ALLC: variants seen among roughly 807,000 people sequenced by gnomAD.
The protein encoded by ALLC is probable inactive allantoicase.
Under a neutral mutation model 45.0 loss-of-function variants are expected in ALLC, and 40 were observed. The ratio of observed to expected loss-of-function variants is 0.89; its 90% confidence interval spans 0.69 to 1.16. The LOEUF (loss-of-function observed/expected upper bound fraction) is 1.16, where lower values mean the gene tolerates loss of function less well. Ranked by LOEUF, ALLC falls within the 50% of genes most tolerant of loss-of-function variation. The pLI, the probability that ALLC is intolerant of heterozygous loss-of-function variation, is 0.00. For missense variants in ALLC, 488 were observed against 493.1 expected (o/e 0.99, Z 0.10); for synonymous variants, 176 against 178.1 (o/e 0.99, Z 0.09).
At chr2:3,654,090 C>G (rs114952939), upstream of ALLC, among the ~76,000 whole-genome samples, 1,132 of 152,340 alleles carry the variant, frequency 7.4e-3, 9 homozygotes, top group East Asian at 0.027. Context: ...AGAGGATCAG[C>G]TGCCAAGGTG....
intron 1 of ALLC, among the ~76,000 whole-genome samples, chr2:3,663,200 TA>T (rs1226356216): frequency 6.6e-6 from 1 of 152,088 alleles, no homozygotes; most frequent in African/African-American, 2.4e-5. Flanking sequence ...ATAGACTGGA[TA>T]AAGAAAACAT....
rs1287372386 is a variant in ALLC, at chr2:3,672,631, C to T, written c.33+1441C>T. Among the ~76,000 whole-genome samples the T allele has an allele frequency of 4.4e-5, 6 of 135,418 alleles. No homozygotes were observed. In the South Asian group the frequency reaches 9.5e-4, roughly 21 times the overall value. 88.8% of individuals were successfully genotyped at this position (135,418 alleles called of 152,430 possible). A position where few individuals can be genotyped will look rare whatever the true frequency, so the allele number is the denominator to read the frequency against. ...TCTGGTTAGATAGGAGGTCCTCTGG[C>T]TCTGGTTAGATGGGAGGTCCTCTGG... On this transcript the variant is annotated intron_variant, in intron 2 of 11. Coordinates refer to ENST00000252505, the MANE Select transcript of ALLC (RefSeq NM_018436.4).
intron 6 of ALLC, 29 bp from the exon 7 acceptor site, chr2:3,682,913 A>G (rs1436489860): frequency 1.2e-6 from 2 of 1,610,648 alleles, no homozygotes; most frequent in Admixed American, 1.7e-5. Flanking sequence ...TTCAAGAGCA[A>G]TTGCTGACAT....
chr2:3,682,808 A>C, intron 6 of ALLC, 134 bp from the exon 7 acceptor site: 1 of 904,896 alleles, frequency 1.1e-6, no homozygotes, highest in Non-Finnish European at 1.7e-6. Context: ...TACAGGCGTG[A>C]GCCACCGTGC....
At chr2:3,651,394 T>C in the ALLC span, among the ~76,000 whole-genome samples, 4 of 21,352 alleles carry the variant, frequency 1.9e-4, 1 homozygote, top group African/African-American at 8.1e-4. Context: ...TGTGTGTGTG[T>C]GTGTGTGTGT....
intron 3 of ALLC, 23 bp from the exon 4 acceptor site, chr2:3,678,445 C>G (rs904255258): frequency 1.3e-6 from 2 of 1,594,816 alleles, no homozygotes. Flanking sequence ...TTAATGATCA[C>G]CTTGTTGTGG....
chr2:3,671,708 T>C (rs1291601132), intron 2 of ALLC, among the ~76,000 whole-genome samples: 2 of 125,586 alleles, frequency 1.6e-5, no homozygotes. Context: ...TAGTTAGACC[T>C]GTGGTCCTCT....
chr2:3,700,310 G>A (rs1667790899), intron 10 of ALLC, among the ~76,000 whole-genome samples: 1 of 152,026 alleles, frequency 6.6e-6, no homozygotes, highest in Admixed American at 6.5e-5. Flanking sequence ...TGGTTATGTG[G>A]CCATGGTTTT....
At chr2:3,659,471 T>TG (rs1232055670) in intron 1 of ALLC, among the ~76,000 whole-genome samples, 3 of 152,204 alleles carry the variant, frequency 2.0e-5, no homozygotes, top group Non-Finnish European at 4.4e-5. Flanking sequence ...ACCCTGGGTC[T>TG]GGTCTCAGCC....
chr2:3,651,671 A>G, the ALLC span, among the ~76,000 whole-genome samples: 3 of 151,844 alleles, frequency 2.0e-5, no homozygotes, highest in African/African-American at 7.3e-5. Flanking sequence ...GATGGCAAAG[A>G]CGAACTCTGG....
At chr2:3,697,541 CTGGACTTT>C in intron 10 of ALLC, 85 bp downstream of exon 10, 1 of 1,114,822 alleles carries the variant, frequency 9.0e-7, no homozygotes, top group Non-Finnish European at 1.3e-6. Context: ...ACTGAGGACA[CTGGACTTT>C]CGGTGTGGAT....
Position 3,681,708 on chromosome 2 carries a change from G to T in ALLC, c.373G>T (p.Ala125Ser), listed in dbSNP as rs749009526. The T allele has an allele frequency of 4.2e-5, 68 of 1,607,954 alleles. 1 individual carries two copies. In the Middle Eastern group the frequency reaches 2.8e-3, roughly 66 times the overall value. The change falls in exon 6 of 12, where the codon GCT becomes TCT. Residue 125 changes from alanine (A) to serine (S), a missense_variant. Transcript: ENST00000252505. ...AATPEEFEAI[A>S]ELKSDDWSYL... is the part of the protein sequence containing the mutation. ...CACTCCTGAGGAGTTTGAAGCCATT[G>T]CTGAGGTACATCTCCCCCAAATGAA...
intron 7 of ALLC, among the ~76,000 whole-genome samples, chr2:3,683,276 A>G (rs942811124): frequency 6.6e-6 from 1 of 152,244 alleles, no homozygotes; most frequent in African/African-American, 2.4e-5. Context: ...AAAATTATCA[A>G]GTAAATTAGG....
upstream of ALLC, among the ~76,000 whole-genome samples, chr2:3,657,616 T>A (rs988025742): frequency 6.6e-6 from 1 of 152,176 alleles, no homozygotes; most frequent in South Asian, 2.1e-4. Context: ...GAAGCCGGGC[T>A]CAGCTGTTTC....
At position 3,695,743 on chromosome 2, in the gene ALLC, T is replaced by C. The variant is rs778833376; in HGVS notation, c.538T>C (p.Phe180Leu). The C allele has an allele frequency of 3.2e-5, 52 of 1,613,904 alleles. No homozygotes were observed. The highest frequency in any genetic ancestry group is 4.1e-5 in the Non-Finnish European group (48 of 1,179,894). ...TGGTGGAATTGCACGACTTAGAGTA[T>C]TCGGTACTGGACAAAAAGACTGGAC... ...PDGGIARLRV[F>L]GTGQKDWTAT... is the part of the protein sequence containing the mutation. Residue 180 changes from phenylalanine (F) to leucine (L), a missense_variant, in exon 8 of 12, where the codon TTC (phenylalanine) becomes CTC (leucine). Physicochemically the swap from Phe to Leu is conservative, Grantham distance 22 (BLOSUM62 0). Coordinates refer to ENST00000252505, the MANE Select transcript of ALLC (RefSeq NM_018436.4).
At chr2:3,687,399 C>CT (rs1248795156) in intron 7 of ALLC, among the ~76,000 whole-genome samples, 1 of 150,554 alleles carries the variant, frequency 6.6e-6, no homozygotes, top group Non-Finnish European at 1.5e-5. Context: ...CTGTAGTTTT[C>CT]TTTTTTTGTT....
At chr2:3,658,393 C>T (rs1013836902) in intron 1 of ALLC, 99 bp downstream of exon 1, 2 of 152,168 alleles carry the variant, frequency 1.3e-5, no homozygotes, top group African/African-American at 4.8e-5. Context: ...TGCAACGAAC[C>T]CTCGACACTT....
the ALLC span, among the ~76,000 whole-genome samples, chr2:3,648,817 A>G: frequency 3.9e-5 from 6 of 152,208 alleles, no homozygotes; most frequent in Non-Finnish European, 8.8e-5. Context: ...CACGACTTCA[A>G]GTGACAGTGT....
intron 10 of ALLC, among the ~76,000 whole-genome samples, chr2:3,698,126 G>A (rs1393818281): frequency 6.6e-6 from 1 of 150,916 alleles, no homozygotes; most frequent in Non-Finnish European, 1.5e-5. Context: ...CATCATGCCT[G>A]GCTAATTTTT....
Sources: gnomAD v4.1 joint callset for allele counts (sites outside exome capture counted in the v4.1 genomes callset) on GRCh38, gnomAD v4.1.1 for gene constraint, MANE v1.5 for transcripts, NCBI Gene and HGNC (gene_info 2026-07-23, HGNC 2026-07-21) for gene names.